Variants in ATP9A observed in about 807,000 individuals in gnomAD.
ATP9A encodes the protein probable phospholipid-transporting ATPase IIA.
A neutral mutation model predicts 144.1 loss-of-function variants in ATP9A; 52 were observed. The ratio of observed to expected loss-of-function variants is 0.36; its 90% CI spans 0.29 to 0.45. The LOEUF is 0.45. Ranked by LOEUF, ATP9A falls within the 20% of genes least tolerant of loss-of-function variation. ATP9A has a pLI of 1.00. For synonymous variants in ATP9A, 582 were observed against 557.4 expected (o/e 1.04, Z -0.62); for missense variants, 947 against 1,392.7 (o/e 0.68, Z 5.09).
intron 3 of ATP9A, among the ~76,000 whole-genome samples, chr20:51,722,042 T>TA (rs2077691977): frequency 6.6e-6 from 1 of 152,034 alleles, no homozygotes; most frequent in Non-Finnish European, 1.5e-5. Flanking sequence ...CCCAAATACT[T>TA]ACAGCCGACT....
intron 11 of ATP9A, among the ~76,000 whole-genome samples, chr20:51,671,988 T>TG (rs2077458167): frequency 6.6e-6 from 1 of 151,872 alleles, no homozygotes; most frequent in Admixed American, 6.6e-5. Context: ...TTAGTAGAGA[T>TG]GGGGTTTCAC....
At chr20:51,766,611 G>T (rs2077905014) in intron 1 of ATP9A, among the ~76,000 whole-genome samples, 1 of 152,158 alleles carries the variant, frequency 6.6e-6, no homozygotes, top group South Asian at 2.1e-4. Context: ...GAAGGCCGAG[G>T]TGGGTGGATC....
intron 24 of ATP9A, among the ~76,000 whole-genome samples, chr20:51,609,583 G>C (rs1451420373): frequency 1.3e-5 from 2 of 152,120 alleles, no homozygotes; most frequent in Non-Finnish European, 2.9e-5. Context: ...GGGTTTGCAG[G>C]CTGCAAAGGC....
Position 51,627,676 on chromosome 20 carries a change from T to G in ATP9A, c.1769A>C (p.Asn590Thr), listed in dbSNP as rs2077255001. 6.2e-7 allele frequency: 1 copy of G among 1,614,018 alleles called. No individual in the cohort carries two copies. The highest frequency in any genetic ancestry group is 1.3e-5 in the African/African-American group (1 of 74,930). The change falls in exon 17 of 28, where the codon AAC (asparagine) becomes ACC (threonine). Residue 590 changes from asparagine to threonine, a missense_variant. Asn to Thr is a moderately conservative substitution (Grantham distance 65). Around this residue, in one of 2 missense-constraint regions of ATP9A, gnomAD observed 770 missense variants for 1,047.9 expected, o/e 0.73. Coordinates refer to ENST00000338821, the MANE Select transcript of ATP9A (RefSeq NM_006045.3). ...YNDWLEEECG[N>T]MAREGLRVLV... ...CACCCGCAGCCCTTCTCGGGCCATG[T>G]TGCCACACTGAAAAATAGACCACGG... is the stretch of plus-strand genomic sequence containing the variant.
At chr20:51,696,059 A>G in intron 6 of ATP9A, 34 bp downstream of exon 6, 5 of 1,582,454 alleles carry the variant, frequency 3.2e-6, no homozygotes, top group Non-Finnish European at 4.3e-6. Flanking sequence ...TGAAAGGTTA[A>G]TGGTTATTTT....
intron 9 of ATP9A, among the ~76,000 whole-genome samples, chr20:51,687,775 A>AATGAATG (rs1555836824): frequency 0.23 from 33,573 of 146,550 alleles, 4,199 homozygotes; most frequent in African/African-American, 0.3. Flanking sequence ...AAAAAAAAAA[A>AATGAATG]AATGAATGAA....
At chr20:51,716,661 C>CA (rs1422198046) in intron 3 of ATP9A, among the ~76,000 whole-genome samples, 1 of 151,270 alleles carries the variant, frequency 6.6e-6, no homozygotes, top group Non-Finnish European at 1.5e-5. Flanking sequence ...GTCTCAGGGG[C>CA]AAAAAATTTA....
At chr20:51,712,710 T>C (rs1411729911) in intron 4 of ATP9A, among the ~76,000 whole-genome samples, 7 of 152,132 alleles carry the variant, frequency 4.6e-5, no homozygotes, top group Non-Finnish European at 5.9e-5. Context: ...CAAAATGTAA[T>C]TCCAGGTTTA....
At position 51,641,831 on chromosome 20, in the gene ATP9A, C is replaced by CAA. The variant is rs1218133688; in HGVS notation, c.1507-2329_1507-2328dup. On this transcript the variant is annotated intron_variant, in intron 14 of 27. Transcript: ENST00000338821. Reference sequence around the variant, plus strand: ...GGGCAACAAGAGCGAAACTCCATCTCAAAAAAAAAAAAAAAAAGATAAAAA... The same window carrying CAA: ...GGGCAACAAGAGCGAAACTCCATCTCAAAAAAAAAAAAAAAAAAAGATAAAAA... Among the ~76,000 whole-genome samples, 512 of 79,650 alleles carry CAA rather than the reference C, an allele frequency of 6.4e-3. 9 individuals are homozygous for CAA. The highest frequency in any genetic ancestry group is 0.042 in the East Asian group (64 of 1,530). The allele number at this position is 79,650 out of a possible 152,430, so 52.3% of individuals were successfully genotyped here.
rs2077120675 is a variant in ATP9A, at chr20:51,596,625, CCAAAAT to C, written c.*4580_*4585del. On this transcript the variant is annotated 3_prime_UTR_variant, in exon 28 of 28. Coordinates refer to ENST00000338821, the MANE Select transcript of ATP9A (RefSeq NM_006045.3). ...ATGCATTGATTTGGGGTTTTTTTTG[CCAAAAT>C]CAAAATAATTTTCTGAACTGGAAAG... 6.6e-6 allele frequency: 1 copy of C among 151,404 alleles called. No individual in the cohort carries two copies. The highest frequency in any genetic ancestry group is 1.5e-5 in the Non-Finnish European group (1 of 67,878). The allele number at this position is 151,404 out of a possible 1,614,324, so 9.4% of individuals were successfully genotyped here. A position where few individuals can be genotyped will look rare whatever the true frequency, so the allele number is the denominator to read the frequency against.
chr20:51,731,028 A>T (rs1393831330), intron 1 of ATP9A, among the ~76,000 whole-genome samples: 1 of 152,166 alleles, frequency 6.6e-6, no homozygotes, highest in Non-Finnish European at 1.5e-5. Context: ...TTTTTTAGCC[A>T]GGCACGGTGG....
intron 23 of ATP9A, among the ~76,000 whole-genome samples, chr20:51,610,743 A>G (rs1187054603): frequency 2.0e-5 from 3 of 152,164 alleles, no homozygotes; most frequent in Non-Finnish European, 4.4e-5. Context: ...GTAGGTATGG[A>G]AACACATACA....
At chr20:51,612,535 GTGCCTTAGCC>G (rs1350208878) in intron 23 of ATP9A, among the ~76,000 whole-genome samples, 4 of 152,132 alleles carry the variant, frequency 2.6e-5, no homozygotes, top group South Asian at 4.2e-4. Flanking sequence ...AGTGATTCTC[GTGCCTTAGCC>G]TCCCAAGTAG....
chr20:51,707,194 T>C (rs2122842213), intron 4 of ATP9A, among the ~76,000 whole-genome samples: 1 of 152,308 alleles, frequency 6.6e-6, no homozygotes, highest in Admixed American at 6.5e-5. Flanking sequence ...TGCCCTGCTG[T>C]TGCCATCTTG....
chr20:51,680,499 T>A, intron 9 of ATP9A, among the ~76,000 whole-genome samples: 1 of 152,112 alleles, frequency 6.6e-6, no homozygotes, highest in East Asian at 1.9e-4. Context: ...CCCCTTATCC[T>A]TCACTCTTGT....
At chr20:51,702,575 C>T (rs892830007) in intron 4 of ATP9A, among the ~76,000 whole-genome samples, 6 of 151,998 alleles carry the variant, frequency 3.9e-5, no homozygotes, top group African/African-American at 1.4e-4. Context: ...ATGTCCCTCT[C>T]CAAGGAGCTC....
intron 19 of ATP9A, among the ~76,000 whole-genome samples, chr20:51,620,843 A>T (rs563932302): frequency 1.4e-3 from 217 of 152,270 alleles, no homozygotes; most frequent in Admixed American, 3.5e-3. Flanking sequence ...TGTCTCAGGC[A>T]GCTAAAATTT....
intron 3 of ATP9A, among the ~76,000 whole-genome samples, chr20:51,713,439 T>C (rs1293380807): frequency 6.6e-6 from 1 of 152,204 alleles, no homozygotes; most frequent in Admixed American, 6.5e-5. Flanking sequence ...ACCCACCATG[T>C]GCTGGGCAGT....
At chr20:51,669,215 C>T (rs1372993614) in intron 13 of ATP9A, among the ~76,000 whole-genome samples, 6 of 152,164 alleles carry the variant, frequency 3.9e-5, no homozygotes, top group African/African-American at 1.2e-4. Flanking sequence ...TCCAGGGTAT[C>T]AAGCCCAAAT....
Sources: gnomAD v4.1 joint callset for allele counts (sites outside exome capture counted in the v4.1 genomes callset) on GRCh38, gnomAD v4.1.1 for gene constraint, gnomAD v4.1.1 regional missense constraint, MANE v1.5 for transcripts, NCBI Gene and HGNC (gene_info 2026-07-23, HGNC 2026-07-21) for gene names.